Variants in CATSPERE observed in about 807,000 individuals in gnomAD.
CATSPERE encodes the protein cation channel sperm-associated auxiliary subunit epsilon.
Under a neutral mutation model 114.1 loss-of-function variants are expected in CATSPERE, and 93 were observed. That is an observed-to-expected ratio of 0.81 (90% CI 0.69 to 0.97). The LOEUF (loss-of-function observed/expected upper bound fraction) is 0.97, where lower values mean the gene tolerates loss of function less well. CATSPERE is among the 50% of genes least tolerant of loss of function. The probability of loss-of-function intolerance (pLI) is 0.00; values close to 1 mark genes in which losing one functional copy is unlikely to be tolerated. For missense variants in CATSPERE, 1,058 were observed against 1,131.6 expected (o/e 0.93, Z 0.93); for synonymous variants, 341 against 384.1 (o/e 0.89, Z 1.31).
chr1:244,469,135 T>C (rs1375219952), intron 2 of CATSPERE, among the ~76,000 whole-genome samples: 3 of 152,190 alleles, frequency 2.0e-5, no homozygotes, highest in Admixed American at 2.0e-4. Context: ...AAGTTAATCA[T>C]TGGGGAGGTT....
At chr1:244,549,911 G>A (rs540520082) in intron 8 of CATSPERE, among the ~76,000 whole-genome samples, 146 of 152,256 alleles carry the variant, frequency 9.6e-4, no homozygotes, top group Admixed American at 7.3e-3. Flanking sequence ...AGTGTGGTTG[G>A]GCATCACGCA....
chr1:244,485,723 G>T (rs77491576), intron 5 of CATSPERE, among the ~76,000 whole-genome samples: 6,769 of 146,690 alleles, frequency 0.046, 188 homozygotes, highest in Middle Eastern at 0.067. Flanking sequence ...TTTGAGATAG[G>T]ATCTTGTCCT....
intron 6 of CATSPERE, among the ~76,000 whole-genome samples, chr1:244,493,879 A>T (rs1366713280): frequency 6.6e-6 from 1 of 152,258 alleles, no homozygotes; most frequent in African/African-American, 2.4e-5. Context: ...CATCAGAGAA[A>T]TGCAAATCAA....
intron 20 of CATSPERE, among the ~76,000 whole-genome samples, chr1:244,621,092 TA>T (rs543949600): frequency 5.9e-5 from 4 of 67,356 alleles, no homozygotes; most frequent in African/African-American, 1.1e-4. Context: ...TAAATATATA[TA>T]AAATATATAT....
At chr1:244,531,618 T>A (rs922829916) in intron 8 of CATSPERE, among the ~76,000 whole-genome samples, 8 of 152,330 alleles carry the variant, frequency 5.3e-5, no homozygotes, top group Non-Finnish European at 1.2e-4. Flanking sequence ...TCTGTTGATA[T>A]AATGTATCAC....
chr1:244,545,305 A>G (rs922450244), intron 8 of CATSPERE, among the ~76,000 whole-genome samples: 1 of 152,204 alleles, frequency 6.6e-6, no homozygotes, highest in Non-Finnish European at 1.5e-5. Flanking sequence ...ACAATGCCTA[A>G]TGGGCCTCTT....
intron 1 of CATSPERE, among the ~76,000 whole-genome samples, chr1:244,455,900 G>A (rs1038505177): frequency 5.9e-5 from 9 of 152,082 alleles, no homozygotes; most frequent in African/African-American, 1.2e-4. Flanking sequence ...GTTATCTGAC[G>A]GTTTTGAGTT....
At chr1:244,623,512 C>G (rs1486392762) in intron 20 of CATSPERE, among the ~76,000 whole-genome samples, 3 of 152,130 alleles carry the variant, frequency 2.0e-5, no homozygotes, top group African/African-American at 7.2e-5. Context: ...ATTCAAATCC[C>G]AAACATGTCA....
intron 17 of CATSPERE, chr1:244,598,667 G>T (rs1668766369): frequency 3.8e-6 from 1 of 262,084 alleles, no homozygotes; most frequent in Non-Finnish European, 8.1e-6. Context: ...AAACACTTTT[G>T]CTTTTTTCAA....
At chr1:244,494,119 T>A (rs1221674723) in intron 6 of CATSPERE, among the ~76,000 whole-genome samples, 1 of 152,090 alleles carries the variant, frequency 6.6e-6, no homozygotes, top group Non-Finnish European at 1.5e-5. Flanking sequence ...CCCAAAGGAT[T>A]ATAAATCATG....
intron 7 of CATSPERE, among the ~76,000 whole-genome samples, chr1:244,516,811 C>G (rs1447804490): frequency 6.6e-6 from 1 of 152,122 alleles, no homozygotes; most frequent in Admixed American, 6.5e-5. Flanking sequence ...CATTGAGCCA[C>G]TGCACCCAGC....
chr1:244,623,306 G>C (rs1033649411), intron 20 of CATSPERE, among the ~76,000 whole-genome samples: 2 of 152,232 alleles, frequency 1.3e-5, no homozygotes, highest in Middle Eastern at 6.8e-3. Flanking sequence ...TCAAACTGCT[G>C]ACCTCAGGTG....
chr1:244,473,663 TAAG>T (rs905214041), intron 2 of CATSPERE, among the ~76,000 whole-genome samples: 2 of 152,170 alleles, frequency 1.3e-5, no homozygotes, highest in African/African-American at 4.8e-5. Context: ...GTGATGTATC[TAAG>T]AAGTTGTTGG....
At chr1:244,620,927 C>T (rs1352413765) in intron 20 of CATSPERE, among the ~76,000 whole-genome samples, 1 of 147,322 alleles carries the variant, frequency 6.8e-6, no homozygotes, top group Non-Finnish European at 1.5e-5. Flanking sequence ...ATCAGAGAAC[C>T]TAAGGCTTTG....
intron 7 of CATSPERE, among the ~76,000 whole-genome samples, chr1:244,516,218 TAAC>T (rs1676594361): frequency 6.6e-6 from 1 of 151,182 alleles, no homozygotes; most frequent in Non-Finnish European, 1.5e-5. Context: ...ATAATAATAA[TAAC>T]AATGCAAACA....
intron 7 of CATSPERE, among the ~76,000 whole-genome samples, chr1:244,516,191 A>AAAT (rs146704402): frequency 0.024 from 3,633 of 150,214 alleles, 68 homozygotes; most frequent in East Asian, 0.059. Flanking sequence ...ACCTTGTCTC[A>AAAT]AATAATAATA....
At chr1:244,475,244 C>CT (rs36095839) in intron 2 of CATSPERE, among the ~76,000 whole-genome samples, 103 of 145,030 alleles carry the variant, frequency 7.1e-4, no homozygotes, top group South Asian at 5.8e-3. Context: ...TATCTAGAGA[C>CT]TTTTTTTTTT....
intron 8 of CATSPERE, among the ~76,000 whole-genome samples, chr1:244,537,299 A>AGCCTGTTAATTTAAAAAATTT (rs1162622984): frequency 6.6e-6 from 1 of 152,126 alleles, no homozygotes; most frequent in African/African-American, 2.4e-5. Context: ...TTTCTTCTTT[A>AGCCTGTTAATTTAAAAAATTT]GCCTGTTAAT....
At chr1:244,454,681 A>G (rs3127467) in intron 1 of CATSPERE, 65,229 of 150,944 alleles carry the variant, frequency 0.43, 14,634 homozygotes, top group Middle Eastern at 0.58. Flanking sequence ...TAAACTGTTT[A>G]CCTCCTCTGC....
Sources: gnomAD v4.1 joint callset for allele counts (sites outside exome capture counted in the v4.1 genomes callset) on GRCh38, gnomAD v4.1.1 for gene constraint, MANE v1.5 for transcripts, NCBI Gene and HGNC (gene_info 2026-07-23, HGNC 2026-07-21) for gene names.